TAFA4: variants seen among roughly 807,000 people sequenced by gnomAD.
TAFA4 encodes the protein chemokine-like protein TAFA-4.
Under a neutral mutation model 21.1 loss-of-function variants are expected in TAFA4, and 20 were observed. That is an observed-to-expected ratio of 0.95 (90% CI 0.67 to 1.38). The LOEUF (loss-of-function observed/expected upper bound fraction) is 1.38. Among genes scored for constraint, TAFA4 ranks in the 40% most tolerant of loss-of-function variants. The pLI is 0.00. For synonymous variants in TAFA4, 71 were observed against 67.4 expected (o/e 1.05, Z -0.26); for missense variants, 211 against 180.9 (o/e 1.17, Z -0.95).
chr3:68,824,514 G>C (rs1704183503), intron 3 of TAFA4, among the ~76,000 whole-genome samples: 1 of 152,144 alleles, frequency 6.6e-6, no homozygotes, highest in South Asian at 2.1e-4. Context: ...GGTGATGACA[G>C]TGTGTCCATT....
chr3:68,855,273 G>T (rs1372261587), intron 3 of TAFA4, among the ~76,000 whole-genome samples: 1 of 152,096 alleles, frequency 6.6e-6, no homozygotes, highest in Admixed American at 6.6e-5. Context: ...CAAAGTTTTG[G>T]TATATAGTAA....
chr3:68,841,463 C>G (rs1704664735), intron 3 of TAFA4, among the ~76,000 whole-genome samples: 1 of 152,180 alleles, frequency 6.6e-6, no homozygotes, highest in South Asian at 2.1e-4. Flanking sequence ...ACCTGACCCA[C>G]AACTAAATCA....
intron 3 of TAFA4, among the ~76,000 whole-genome samples, chr3:68,813,799 C>G (rs34975646): frequency 0.38 from 56,926 of 151,776 alleles, 12,514 homozygotes; most frequent in East Asian, 0.92. Context: ...AGAGGGAATC[C>G]TCCCTAACTC....
In TAFA4 at chr3:68,903,748, C is replaced by G. The variant is rs1033775683; in HGVS notation, c.-122-18438G>C. Among the ~76,000 whole-genome samples, 5 of 152,186 alleles carry G rather than the reference C, an allele frequency of 3.3e-5. No homozygotes were observed. In the East Asian group the frequency reaches 9.7e-4, roughly 29 times the overall value. The stretch of plus-strand genomic sequence containing the variant: ...TTTGATGTACAGATTATTTCATCAC[C>G]CTGTTTTATGTGTTTTTAAAACATT... On this transcript the variant is annotated intron_variant, in intron 1 of 5. Coordinates refer to ENST00000295569, the MANE Select transcript of TAFA4 (RefSeq NM_182522.5).
chr3:68,786,046 G>T (rs900927412), intron 3 of TAFA4, among the ~76,000 whole-genome samples: 1 of 152,128 alleles, frequency 6.6e-6, no homozygotes, highest in Non-Finnish European at 1.5e-5. Flanking sequence ...AATAAACTAC[G>T]TTAAGTCCCC....
chr3:68,752,750 G>A, intron 4 of TAFA4, 113 bp downstream of exon 4: 1 of 1,296,864 alleles, frequency 7.7e-7, no homozygotes, highest in Non-Finnish European at 1.1e-6. Context: ...GATTGACACT[G>A]ATCTCAAAGC....
intron 3 of TAFA4, among the ~76,000 whole-genome samples, chr3:68,769,600 C>A (rs1460458572): frequency 6.6e-6 from 1 of 152,102 alleles, no homozygotes; most frequent in East Asian, 1.9e-4. Context: ...ATAATAAATG[C>A]ATGAGGTGGT....
At chr3:68,833,727 C>T (rs1427315264) in intron 3 of TAFA4, among the ~76,000 whole-genome samples, 1 of 152,090 alleles carries the variant, frequency 6.6e-6, no homozygotes, top group African/African-American at 2.4e-5. Flanking sequence ...GCCCCCTATC[C>T]ACAACAAACA....
chr3:68,839,384 A>G (rs1704600849), intron 3 of TAFA4, among the ~76,000 whole-genome samples: 1 of 152,138 alleles, frequency 6.6e-6, no homozygotes, highest in East Asian at 1.9e-4. Context: ...TAGTGTTAAC[A>G]CCATTTGAGC....
chr3:68,754,256 T>A (rs1450773233), intron 3 of TAFA4, among the ~76,000 whole-genome samples: 1 of 152,224 alleles, frequency 6.6e-6, no homozygotes, highest in South Asian at 2.1e-4. Context: ...TTTGCCAATG[T>A]CCCAATAATG....
At chr3:68,825,828 T>C (rs1333469375) in intron 3 of TAFA4, among the ~76,000 whole-genome samples, 1 of 152,232 alleles carries the variant, frequency 6.6e-6, no homozygotes, top group Non-Finnish European at 1.5e-5. Context: ...AAAAGGTGTC[T>C]ATCCCTCCTC....
chr3:68,804,962 T>G (rs1159782417), intron 3 of TAFA4, among the ~76,000 whole-genome samples: 1 of 152,128 alleles, frequency 6.6e-6, no homozygotes, highest in African/African-American at 2.4e-5. Context: ...TAGGATCTAA[T>G]TAAACTAAAG....
At chr3:68,842,011 G>A (rs1403397113) in intron 3 of TAFA4, among the ~76,000 whole-genome samples, 1 of 152,110 alleles carries the variant, frequency 6.6e-6, no homozygotes, top group African/African-American at 2.4e-5. Context: ...AAACATACGT[G>A]TGCATGTGTC....
chr3:68,778,384 G>A lies in TAFA4; in HGVS notation c.131-25366C>T, dbSNP rs1487900461. Among the ~76,000 whole-genome samples the A allele has an allele frequency of 2.0e-5, 3 of 152,242 alleles. No individual in the cohort carries two copies. The South Asian group carries it at 6.2e-4, about 32-fold the overall frequency. On this transcript the variant is annotated intron_variant, in intron 3 of 5. Coordinates refer to ENST00000295569, the MANE Select transcript of TAFA4 (RefSeq NM_182522.5). ...CTAAATGGGAATGTATCTAATACCA[G>A]AGTTTCAAAATAAACAGAGCAAAAA... is the stretch of plus-strand genomic sequence containing the variant.
At chr3:68,908,939 G>A (rs543222334) in intron 1 of TAFA4, among the ~76,000 whole-genome samples, 20 of 152,276 alleles carry the variant, frequency 1.3e-4, no homozygotes, top group Admixed American at 7.8e-4. Flanking sequence ...ATCTGACAGC[G>A]CTTCCCACCA....
At chr3:68,819,201 C>T (rs567532971) in intron 3 of TAFA4, among the ~76,000 whole-genome samples, 114 of 140,348 alleles carry the variant, frequency 8.1e-4, no homozygotes, top group Admixed American at 2.9e-3. Flanking sequence ...AGCCTGGAGG[C>T]GGAGGTTGCA....
chr3:68,823,474 T>C (rs1704157861), intron 3 of TAFA4, among the ~76,000 whole-genome samples: 1 of 152,164 alleles, frequency 6.6e-6, no homozygotes, highest in South Asian at 2.1e-4. Flanking sequence ...CTGGGGTACA[T>C]GTGCAGGACA....
chr3:68,871,579 T>C (rs903519154), intron 3 of TAFA4, among the ~76,000 whole-genome samples: 2 of 152,016 alleles, frequency 1.3e-5, no homozygotes, highest in African/African-American at 2.4e-5. Context: ...ATTTTCTGCA[T>C]TGCAAAGGAA....
At chr3:68,882,294 CTGCAAA>C (rs2089627684) in intron 2 of TAFA4, among the ~76,000 whole-genome samples, 1 of 151,852 alleles carries the variant, frequency 6.6e-6, no homozygotes, top group Non-Finnish European at 1.5e-5. Context: ...CTGATCCAGC[CTGCAAA>C]TGTGTTTTGT....
Sources: allele counts gnomAD v4.1 joint callset (sites outside exome capture counted in the v4.1 genomes callset), GRCh38; gene constraint gnomAD v4.1.1; transcripts MANE v1.5; gene names NCBI Gene and HGNC (gene_info 2026-07-23, HGNC 2026-07-21).